VAT1L: variants seen among roughly 807,000 people sequenced by gnomAD.
The protein encoded by VAT1L is vesicle amine transport 1 like, also known as putative NADPH-dependent quinone oxidoreductase VAT1L.
In VAT1L, 34 loss-of-function variants were observed where a neutral mutation model predicts 44.1. The ratio of observed to expected loss-of-function variants is 0.77; its 90% CI spans 0.59 to 1.03. VAT1L has a LOEUF of 1.03. VAT1L is among the 50% of genes least tolerant of loss of function. The pLI is 0.00. For missense variants in VAT1L, 615 were observed against 538.8 expected (o/e 1.14, Z -1.40); for synonymous variants, 253 against 202.2 (o/e 1.25, Z -2.13).
intron 7 of VAT1L, among the ~76,000 whole-genome samples, chr16:77,934,336 A>C (rs2017767268): frequency 6.6e-6 from 1 of 152,064 alleles, no homozygotes; most frequent in Non-Finnish European, 1.5e-5. Flanking sequence ...CCCTGTTCTA[A>C]TCCCTTGGAC....
At chr16:77,885,037 T>A (rs142284184) in intron 7 of VAT1L, among the ~76,000 whole-genome samples, 1 of 152,306 alleles carries the variant, frequency 6.6e-6, no homozygotes, top group East Asian at 1.9e-4. Context: ...TCTGAACCCT[T>A]CCCAGGTAAG....
At chr16:77,798,454 G>C (rs1474263423) in intron 1 of VAT1L, among the ~76,000 whole-genome samples, 1 of 152,200 alleles carries the variant, frequency 6.6e-6, no homozygotes, top group Non-Finnish European at 1.5e-5. Context: ...AAGTTTTTGT[G>C]TGGGGAAAGA....
intron 7 of VAT1L, among the ~76,000 whole-genome samples, chr16:77,971,600 C>T (rs2018278455): frequency 6.6e-6 from 1 of 152,176 alleles, no homozygotes; most frequent in Non-Finnish European, 1.5e-5. Flanking sequence ...AAGGAATGTT[C>T]ATCTACTTAT....
intron 7 of VAT1L, among the ~76,000 whole-genome samples, chr16:77,951,193 G>A (rs573777882): frequency 9.8e-5 from 15 of 152,366 alleles, no homozygotes; most frequent in African/African-American, 3.4e-4. Flanking sequence ...AACAATGGGA[G>A]CTCTTCAGTA....
At chr16:77,959,884 G>T (rs1193285464) in intron 7 of VAT1L, among the ~76,000 whole-genome samples, 2 of 152,148 alleles carry the variant, frequency 1.3e-5, no homozygotes, top group African/African-American at 4.8e-5. Flanking sequence ...CTACTTTCCA[G>T]AATTTTGTCC....
At chr16:77,825,484 C>G (rs1271183538) in intron 3 of VAT1L, 23 bp downstream of exon 3, 1 of 1,556,836 alleles carries the variant, frequency 6.4e-7, no homozygotes, top group Non-Finnish European at 8.7e-7. Context: ...TTTGTAACTT[C>G]TCTTCTTTAA....
intron 7 of VAT1L, among the ~76,000 whole-genome samples, chr16:77,948,461 T>C (rs962497734): frequency 1.3e-4 from 20 of 152,162 alleles, no homozygotes; most frequent in African/African-American, 4.8e-4. Flanking sequence ...CAGTTGAGCA[T>C]TTGAGTGCTG....
At chr16:77,868,385 T>C (rs956964723) in intron 4 of VAT1L, among the ~76,000 whole-genome samples, 2 of 152,130 alleles carry the variant, frequency 1.3e-5, no homozygotes, top group African/African-American at 4.8e-5. Context: ...CAAATCCCCA[T>C]GCAAGACAAT....
chr16:77,866,969 G>T (rs1389006153), intron 4 of VAT1L, among the ~76,000 whole-genome samples: 1 of 152,208 alleles, frequency 6.6e-6, no homozygotes, highest in African/African-American at 2.4e-5. Context: ...GGAGGGGGAA[G>T]CGTGAGAGAA....
intron 7 of VAT1L, among the ~76,000 whole-genome samples, chr16:77,911,302 G>A (rs1034074081): frequency 6.6e-6 from 1 of 152,206 alleles, no homozygotes; most frequent in Non-Finnish European, 1.5e-5. Context: ...AAACAATGAG[G>A]TGATTGGTGG....
At chr16:77,808,697 G>A (rs909789582) in intron 1 of VAT1L, among the ~76,000 whole-genome samples, 41 of 152,120 alleles carry the variant, frequency 2.7e-4, no homozygotes, top group African/African-American at 9.9e-4. Flanking sequence ...CCGGGTTCAA[G>A]CAATTCTCCT....
At chr16:77,892,240 A>ACCC (rs1194319715) in intron 7 of VAT1L, among the ~76,000 whole-genome samples, 2 of 152,168 alleles carry the variant, frequency 1.3e-5, no homozygotes, top group African/African-American at 4.8e-5. Context: ...CAGATACTGC[A>ACCC]CCCCAAACTA....
chr16:77,926,456 C>T (rs537961049), intron 7 of VAT1L, among the ~76,000 whole-genome samples: 16 of 151,860 alleles, frequency 1.1e-4, no homozygotes, highest in Non-Finnish European at 1.9e-4. Flanking sequence ...TGGTGGCAGG[C>T]GCCTGTAATC....
chr16:77,927,842 C>G (rs554248673), intron 7 of VAT1L, among the ~76,000 whole-genome samples: 1 of 152,178 alleles, frequency 6.6e-6, no homozygotes, highest in Non-Finnish European at 1.5e-5. Context: ...GTACTCCAGT[C>G]TGGGTGACAG....
chr16:77,959,626 C>G (rs1210118943), intron 7 of VAT1L, among the ~76,000 whole-genome samples: 1 of 152,096 alleles, frequency 6.6e-6, no homozygotes, highest in African/African-American at 2.4e-5. Flanking sequence ...ATAGCATAAG[C>G]CAAGTGCTAT....
At chr16:77,814,011 G>A (rs146268780) in intron 1 of VAT1L, among the ~76,000 whole-genome samples, 14 of 152,316 alleles carry the variant, frequency 9.2e-5, no homozygotes, top group African/African-American at 2.6e-4. Flanking sequence ...CATGAATTCA[G>A]ATCCTGACTT....
At chr16:77,874,019 G>A (rs2017061285) in intron 4 of VAT1L, among the ~76,000 whole-genome samples, 2 of 152,174 alleles carry the variant, frequency 1.3e-5, no homozygotes, top group African/African-American at 2.4e-5. Flanking sequence ...ACAGGTCAAG[G>A]TGGGACTAAT....
At chr16:77,969,018 C>T (rs1347329864) in intron 7 of VAT1L, among the ~76,000 whole-genome samples, 2 of 152,098 alleles carry the variant, frequency 1.3e-5, no homozygotes, top group South Asian at 2.1e-4. Flanking sequence ...GGGGTTTCCC[C>T]ATGTTGGCCA....
chr16:77,795,813 CT>C (rs56725954), intron 1 of VAT1L, among the ~76,000 whole-genome samples: 1,998 of 100,364 alleles, frequency 0.02, 7 homozygotes, highest in African/African-American at 0.065. Flanking sequence ...CCTTTTTTCT[CT>C]TTTTTTTTTT....
Sources: gnomAD v4.1 joint callset for allele counts (sites outside exome capture counted in the v4.1 genomes callset) on GRCh38, gnomAD v4.1.1 for gene constraint, MANE v1.5 for transcripts, NCBI Gene and HGNC (gene_info 2026-07-23, HGNC 2026-07-21) for gene names.